Variants in B3GALNT1 observed in about 807,000 individuals in gnomAD.
B3GALNT1 encodes the protein beta-1,3-N-acetylgalactosaminyltransferase 1 (Globoside blood group).
In B3GALNT1, 17 loss-of-function variants were observed where a neutral mutation model predicts 27.3. The ratio of observed to expected loss-of-function variants is 0.62; its 90% CI spans 0.43 to 0.94. The LOEUF (loss-of-function observed/expected upper bound fraction) is 0.94. Ranked by LOEUF, B3GALNT1 falls within the 40% of genes least tolerant of loss-of-function variation. The pLI is 0.00. For missense variants in B3GALNT1, 347 were observed against 390.0 expected, an observed-to-expected ratio of 0.89 and a Z score of 0.93; for synonymous variants, 141 against 144.0, an observed-to-expected ratio of 0.98 and a Z score of 0.15.
At chr3:161,095,836 G>GA (rs1438929461) in intron 4 of B3GALNT1, among the ~76,000 whole-genome samples, 1 of 152,166 alleles carries the variant, frequency 6.6e-6, no homozygotes, top group Non-Finnish European at 1.5e-5. Flanking sequence ...AAAAGCTGCT[G>GA]AATAAAACTA....
chr3:161,103,198 C>A, intron 3 of B3GALNT1: 1 of 215,940 alleles, frequency 4.6e-6, no homozygotes, highest in South Asian at 6.1e-5. Context: ...CATAAAGTGG[C>A]CTTGTCTCTA....
In B3GALNT1 at chr3:161,084,687, C is replaced by T. The variant is rs898268364; in HGVS notation, c.*1072G>A. 5 of 152,132 alleles carry T rather than the reference C, an allele frequency of 3.3e-5. No individual in the cohort carries two copies. The South Asian group carries it at 1.0e-3, about 32-fold the overall frequency. 9.4% of individuals were successfully genotyped at this position (152,132 alleles called of 1,614,324 possible). The stretch of plus-strand genomic sequence containing the variant: ...TTAGGGCTTTCATCTTGATGAGAAA[C>T]TCATAACAGCAGCAGCTCAAACTGA... On this transcript the variant is annotated 3_prime_UTR_variant, in exon 5 of 5. Coordinates refer to ENST00000320474, the MANE Select transcript of B3GALNT1 (RefSeq NM_003781.4).
intron 2 of B3GALNT1, chr3:161,103,835 C>T: frequency 5.5e-6 from 1 of 182,548 alleles, no homozygotes; most frequent in South Asian, 1.0e-4. Context: ...TCGAGCAATT[C>T]TCCTGCCTCA....
At position 161,085,497 on chromosome 3, in the gene B3GALNT1, T is replaced by A. The variant is rs1488428978; in HGVS notation, c.*262A>T. The A allele has an allele frequency of 4.2e-5, 20 of 476,800 alleles. No individual in the cohort carries two copies. In the East Asian group the frequency reaches 6.8e-4, roughly 16 times the overall value. 29.5% of individuals were successfully genotyped at this position (476,800 alleles called of 1,614,324 possible). A position where few individuals can be genotyped will look rare whatever the true frequency, so the allele number is the denominator to read the frequency against. The stretch of plus-strand genomic sequence containing the variant: ...AGAAATTCTAGTCTACAGAATGACA[T>A]GTCCAAATTGTTTGGTCCTATTAAT... On this transcript the variant is annotated 3_prime_UTR_variant, in exon 5 of 5. Coordinates refer to ENST00000320474, the MANE Select transcript of B3GALNT1 (RefSeq NM_003781.4).
intron 4 of B3GALNT1, among the ~76,000 whole-genome samples, chr3:161,096,960 G>A (rs1435934864): frequency 6.6e-6 from 1 of 152,204 alleles, no homozygotes. Flanking sequence ...GCGAGCACCA[G>A]GTGGCAGTAT....
Position 161,086,229 on chromosome 3 carries a change from C to T in B3GALNT1, c.526G>A (p.Val176Ile), listed in dbSNP as rs150681589. Reference protein sequence around the residue: ...VTEFCPNAKYVMKTDTDVFIN... With the variant: ...VTEFCPNAKYIMKTDTDVFIN... ...AAAACATCAGTGTCTGTCTTCATTA[C>T]GTACTTGGCATTGGGGCAAAACTCA... Residue 176 changes from valine to isoleucine, a missense_variant, in exon 5 of 5, where the codon GTA (valine) becomes ATA (isoleucine). Val to Ile is a conservative substitution (Grantham distance 29, BLOSUM62 3). Coordinates refer to ENST00000320474, the MANE Select transcript of B3GALNT1 (RefSeq NM_003781.4). The T allele has an allele frequency of 5.3e-5, 85 of 1,613,946 alleles. No homozygotes were observed. The African/African-American group carries it at 7.5e-4, about 14-fold the overall frequency.
chr3:161,102,135 G>T (rs1333670415), intron 3 of B3GALNT1, among the ~76,000 whole-genome samples: 1 of 152,052 alleles, frequency 6.6e-6, no homozygotes, highest in Non-Finnish European at 1.5e-5. Context: ...ACTCCATTCT[G>T]CTTTTGCATA....
At chr3:161,092,574 G>A (rs1576693473) in intron 4 of B3GALNT1, among the ~76,000 whole-genome samples, 3 of 151,970 alleles carry the variant, frequency 2.0e-5, no homozygotes, top group East Asian at 1.9e-4. Context: ...AATTCAGGGC[G>A]ATGGAAATAT....
Position 161,086,605 on chromosome 3 carries a change from C to T in B3GALNT1, c.150G>A (p.Met50Ile), listed in dbSNP as rs750579839. The T allele has an allele frequency of 1.9e-6, 3 of 1,614,182 alleles. No individual in the cohort carries two copies. The highest frequency in any genetic ancestry group is 3.3e-5 in the Admixed American group (2 of 60,026). ...AAATCGGCTCATACTCATAGAAGTA[C>T]ATCCAGTTCACGCGTTCTATCACAT... ...HYNVIERVNW[M>I]YFYEYEPIYR... Residue 50 changes from methionine (M) to isoleucine (I), a missense_variant, in exon 5 of 5, where the codon ATG becomes ATA. Coordinates refer to ENST00000320474, the MANE Select transcript of B3GALNT1 (RefSeq NM_003781.4).
Position 161,085,522 on chromosome 3 carries a change from T to C in B3GALNT1, c.*237A>G, listed in dbSNP as rs559163968. On this transcript the variant is annotated 3_prime_UTR_variant, in exon 5 of 5. Coordinates refer to ENST00000320474, the MANE Select transcript of B3GALNT1 (RefSeq NM_003781.4). ...TGTCCAAATTGTTTGGTCCTATTAATTTCTTTAGCAAAAACCTCCAATTCC... is the reference window on the plus strand; with the variant it reads ...TGTCCAAATTGTTTGGTCCTATTAACTTCTTTAGCAAAAACCTCCAATTCC... 4 of 530,756 alleles carry C rather than the reference T, an allele frequency of 7.5e-6. No homozygotes were observed. Among genetic ancestry groups the C allele is most frequent in the Non-Finnish European group, 1.3e-5 (4 of 298,872 alleles). 32.9% of individuals were successfully genotyped at this position (530,756 alleles called of 1,614,324 possible).
At position 161,084,624 on chromosome 3, in the gene B3GALNT1, T is replaced by C. The variant is rs553484338; in HGVS notation, c.*1135A>G. On this transcript the variant is annotated 3_prime_UTR_variant, in exon 5 of 5. Coordinates refer to ENST00000320474, the MANE Select transcript of B3GALNT1 (RefSeq NM_003781.4). ...ACGTCTATGAAGAAATTTCTTTCTA[T>C]AAAAGCACAAAATTTAAATCGGATT... is the stretch of plus-strand genomic sequence containing the variant. 4 of 152,198 alleles carry C rather than the reference T, an allele frequency of 2.6e-5. No homozygotes were observed. Among genetic ancestry groups the C allele is most frequent in the South Asian group, 2.1e-4 (1 of 4,836 alleles). The allele number at this position is 152,198 out of a possible 1,614,324, so 9.4% of individuals were successfully genotyped here.
rs566249232 is a variant in B3GALNT1, at chr3:161,095,640, G to A, written c.-35+5499C>T. On this transcript the variant is annotated intron_variant, in intron 4 of 4. Coordinates refer to ENST00000320474, the MANE Select transcript of B3GALNT1 (RefSeq NM_003781.4). ...AGGAAGAGTGGATTGCCTTGAAGGC[G>A]GGAAGTGGGGACTTATGCCCAGAGG... 4.6e-5 allele frequency among the ~76,000 whole-genome samples: 7 copies of A among 152,314 alleles called. No homozygotes were observed. The East Asian group carries it at 9.7e-4, about 21-fold the overall frequency.
chr3:161,093,338 A>T (rs1313682151), intron 4 of B3GALNT1, among the ~76,000 whole-genome samples: 1 of 152,216 alleles, frequency 6.6e-6, no homozygotes, highest in Non-Finnish European at 1.5e-5. Context: ...TTTTAAAACG[A>T]TACTCAGGCA....
chr3:161,101,959 T>C lies in B3GALNT1; in HGVS notation c.-129-726A>G, dbSNP rs930139650. On this transcript the variant is annotated intron_variant, in intron 3 of 4. Transcript: ENST00000320474. The stretch of plus-strand genomic sequence containing the variant: ...TAGGTGGCTGCAGGCTTGTGAAATG[T>C]TTTAACAGGAGGACTTGTGTATTCT... 3.2e-4 allele frequency among the ~76,000 whole-genome samples: 49 copies of C among 152,130 alleles called. 1 individual carries two copies. Among genetic ancestry groups the C allele is most frequent in the African/African-American group, 9.9e-4 (41 of 41,430 alleles).
chr3:161,104,249 G>A (rs1733068268), intron 2 of B3GALNT1, 70 bp downstream of exon 2: 1 of 1,207,338 alleles, frequency 8.3e-7, no homozygotes, highest in African/African-American at 1.6e-5. Flanking sequence ...CCCTTCTTTT[G>A]CTTAAGCCTC....
chr3:161,096,138 T>C (rs1303620680), intron 4 of B3GALNT1, among the ~76,000 whole-genome samples: 1 of 152,250 alleles, frequency 6.6e-6, no homozygotes, highest in Non-Finnish European at 1.5e-5. Flanking sequence ...CTCTGTAATA[T>C]TTGCATACTT....
chr3:161,085,658 G>T lies in B3GALNT1; in HGVS notation c.*101C>A. 2 of 1,314,382 alleles carry T rather than the reference G, an allele frequency of 1.5e-6. No homozygotes were observed. The highest frequency in any genetic ancestry group is 1.1e-6 in the Non-Finnish European group (1 of 912,992). 81.4% of individuals were successfully genotyped at this position (1,314,382 alleles called of 1,614,324 possible). A position where few individuals can be genotyped will look rare whatever the true frequency, so the allele number is the denominator to read the frequency against. On this transcript the variant is annotated 3_prime_UTR_variant, in exon 5 of 5. Coordinates refer to ENST00000320474, the MANE Select transcript of B3GALNT1 (RefSeq NM_003781.4). ...TTTCATGAGTTTCAGTTCAGTGTAA[G>T]CCAGCACACTGACCTCCCCATGAAT...
chr3:161,102,385 T>C (rs998655885), intron 3 of B3GALNT1, among the ~76,000 whole-genome samples: 2 of 152,138 alleles, frequency 1.3e-5, no homozygotes, highest in African/African-American at 4.8e-5. Context: ...CTCCCAACCT[T>C]CCAGCACTTG....
At position 161,094,154 on chromosome 3, in the gene B3GALNT1, T is replaced by C. The variant is rs569439972; in HGVS notation, c.-35+6985A>G. On this transcript the variant is annotated intron_variant, in intron 4 of 4. Transcript: ENST00000320474. ...TTCTTGGCTGCTAGATCCCAGGGAG[T>C]GTGCTGCCTGCTCACTATGCTTCCT... Among the ~76,000 whole-genome samples, 6 of 152,122 alleles carry C rather than the reference T, an allele frequency of 3.9e-5. No individual in the cohort carries two copies. The East Asian group carries it at 9.7e-4, about 25-fold the overall frequency.
Sources: gnomAD v4.1 joint callset for allele counts (sites outside exome capture counted in the v4.1 genomes callset) on GRCh38, gnomAD v4.1.1 for gene constraint, MANE v1.5 for transcripts, NCBI Gene and HGNC (gene_info 2026-07-23, HGNC 2026-07-21) for gene names.